Variants in RORA observed in about 807,000 individuals in gnomAD.
RORA encodes the protein RAR related orphan receptor A.
In RORA, 7 loss-of-function variants were observed where a neutral mutation model predicts 69.5. That is an observed-to-expected ratio of 0.10 (90% confidence interval 0.06 to 0.19). The LOEUF (loss-of-function observed/expected upper bound fraction) is 0.19, where lower values mean the gene tolerates loss of function less well. Ranked by LOEUF, RORA falls within the 10% of genes least tolerant of loss-of-function variation. The pLI is 1.00. For synonymous variants in RORA, 261 were observed against 240.8 expected, an observed-to-expected ratio of 1.08 and a Z score of -0.78; for missense variants, 457 against 663.0, an observed-to-expected ratio of 0.69 and a Z score of 3.41.
intron 2 of RORA, among the ~76,000 whole-genome samples, chr15:60,579,386 G>A (rs551336033): frequency 6.6e-6 from 1 of 152,146 alleles, no homozygotes; most frequent in East Asian, 1.9e-4. Context: ...TCTGCTAAAT[G>A]CTTATGTCCT....
intron 1 of RORA, among the ~76,000 whole-genome samples, chr15:60,832,365 G>A (rs1387487454): frequency 2.0e-5 from 3 of 152,080 alleles, no homozygotes; most frequent in Non-Finnish European, 4.4e-5. Flanking sequence ...GCAAAACTGG[G>A]ATATTAGTCA....
chr15:61,138,073 C>G (rs1328296951), intron 1 of RORA, among the ~76,000 whole-genome samples: 1 of 152,112 alleles, frequency 6.6e-6, no homozygotes, highest in Non-Finnish European at 1.5e-5. Flanking sequence ...TACAAAATCA[C>G]CTCTATTTTG....
At chr15:60,638,318 T>C (rs2069876695) in intron 2 of RORA, among the ~76,000 whole-genome samples, 1 of 151,940 alleles carries the variant, frequency 6.6e-6, no homozygotes, top group Non-Finnish European at 1.5e-5. Flanking sequence ...TTGTTAACAG[T>C]GGATAGCTTA....
intron 1 of RORA, among the ~76,000 whole-genome samples, chr15:61,122,813 T>A (rs1482565383): frequency 2.0e-5 from 3 of 152,178 alleles, no homozygotes; most frequent in Admixed American, 6.5e-5. Flanking sequence ...GCTCTAAATG[T>A]AAGCTACGCC....
chr15:61,205,943 G>T, intron 1 of RORA, among the ~76,000 whole-genome samples: 1 of 152,112 alleles, frequency 6.6e-6, no homozygotes, highest in East Asian at 1.9e-4. Context: ...CAACCTTCTG[G>T]ACTCAGACTC....
At chr15:60,615,853 G>T (rs1246037010) in intron 2 of RORA, among the ~76,000 whole-genome samples, 9 of 152,186 alleles carry the variant, frequency 5.9e-5, no homozygotes, top group Non-Finnish European at 8.8e-5. Context: ...GTGGATGGAG[G>T]TTGAGAGGGC....
At chr15:60,823,721 T>C (rs930962116) in intron 1 of RORA, among the ~76,000 whole-genome samples, 8 of 152,162 alleles carry the variant, frequency 5.3e-5, no homozygotes, top group East Asian at 1.9e-4. Context: ...AGTAGGTAAC[T>C]AGGAATTTTT....
chr15:60,976,871 C>A (rs986543730), intron 1 of RORA, among the ~76,000 whole-genome samples: 23 of 152,264 alleles, frequency 1.5e-4, no homozygotes, highest in Admixed American at 5.9e-4. Flanking sequence ...CAGCAGCAGC[C>A]ATTACCTTTG....
chr15:60,545,552 G>A (rs1440998899), intron 2 of RORA, among the ~76,000 whole-genome samples: 1 of 152,166 alleles, frequency 6.6e-6, no homozygotes, highest in Non-Finnish European at 1.5e-5. Flanking sequence ...CTCTATCAGA[G>A]AAATATCAAT....
intron 1 of RORA, among the ~76,000 whole-genome samples, chr15:60,907,716 T>C (rs1217610515): frequency 2.0e-5 from 3 of 152,118 alleles, no homozygotes; most frequent in African/African-American, 7.2e-5. Context: ...GCGTTTTTTT[T>C]CTCAGAAATA....
intron 2 of RORA, among the ~76,000 whole-genome samples, chr15:60,546,988 C>A (rs1232982579): frequency 6.6e-6 from 1 of 152,202 alleles, no homozygotes; most frequent in Non-Finnish European, 1.5e-5. Flanking sequence ...AGTTCTGACA[C>A]AACCAAAGAT....
intron 1 of RORA, among the ~76,000 whole-genome samples, chr15:60,792,460 G>A (rs768368731): frequency 7.2e-5 from 11 of 152,042 alleles, no homozygotes; most frequent in Non-Finnish European, 1.3e-4. Context: ...AAGAAACTCC[G>A]CACATCCTAA....
rs139131413 is a variant in RORA, at chr15:60,624,545, GTA to G, written c.196+54110_196+54111del. ...TATATATAGTATATATATATTTGCT[GTA>G]TATATATATATTTGCTGCACATATA... On this transcript the variant is annotated intron_variant, in intron 2 of 10. Coordinates refer to ENST00000335670, the MANE Select transcript of RORA (RefSeq NM_134261.3). Among the ~76,000 whole-genome samples the G allele has an allele frequency of 4.8e-4, 61 of 128,016 alleles. No homozygotes were observed. In the East Asian group the frequency reaches 0.011, roughly 24 times the overall value. 84.0% of individuals were successfully genotyped at this position (128,016 alleles called of 152,430 possible). A position where few individuals can be genotyped will look rare whatever the true frequency, so the allele number is the denominator to read the frequency against.
chr15:60,842,269 AT>A (rs2073209088), intron 1 of RORA, among the ~76,000 whole-genome samples: 1 of 152,108 alleles, frequency 6.6e-6, no homozygotes, highest in Non-Finnish European at 1.5e-5. Flanking sequence ...ACAGCAATTT[AT>A]TTAATATCAT....
chr15:60,949,940 C>A (rs1381364814), intron 1 of RORA, among the ~76,000 whole-genome samples: 2 of 152,162 alleles, frequency 1.3e-5, no homozygotes, highest in African/African-American at 4.8e-5. Context: ...TAAAGAGTCA[C>A]TGGACATACT....
At chr15:61,224,258 T>C (rs1013084745) in intron 1 of RORA, among the ~76,000 whole-genome samples, 2 of 152,366 alleles carry the variant, frequency 1.3e-5, no homozygotes, top group Non-Finnish European at 2.9e-5. Flanking sequence ...AGTCCCTGTA[T>C]ATTGGCTCAT....
chr15:60,821,836 G>A (rs2072897295), intron 1 of RORA, among the ~76,000 whole-genome samples: 2 of 152,230 alleles, frequency 1.3e-5, no homozygotes, highest in South Asian at 4.1e-4. Flanking sequence ...GAATAAGTGA[G>A]AGCAATGAGG....
intron 2 of RORA, among the ~76,000 whole-genome samples, chr15:60,593,876 A>G (rs2068609232): frequency 6.6e-6 from 1 of 152,144 alleles, no homozygotes; most frequent in Admixed American, 6.5e-5. Flanking sequence ...TTGGGCCACA[A>G]TTTAAAACAC....
intron 2 of RORA, among the ~76,000 whole-genome samples, chr15:60,561,797 C>T (rs759340866): frequency 6.6e-6 from 1 of 152,114 alleles, no homozygotes; most frequent in Non-Finnish European, 1.5e-5. Context: ...TATGGGACTT[C>T]AGTGACACTC....
Sources: gnomAD v4.1 joint callset for allele counts (sites outside exome capture counted in the v4.1 genomes callset) on GRCh38, gnomAD v4.1.1 for gene constraint, MANE v1.5 for transcripts, NCBI Gene and HGNC (gene_info 2026-07-23, HGNC 2026-07-21) for gene names.